NRDE2: variants seen among roughly 807,000 people sequenced by gnomAD.
NRDE2 encodes the protein NRDE-2, necessary for RNA interference, domain containing, also known as nuclear exosome regulator NRDE2.
NRDE2 carries 76 observed loss-of-function variants against 124.2 expected under a neutral mutation model. The ratio of observed to expected loss-of-function variants is 0.61; its 90% CI spans 0.51 to 0.74. NRDE2 has a LOEUF of 0.74. Ranked by LOEUF, NRDE2 falls within the 30% of genes least tolerant of loss-of-function variation. NRDE2 has a pLI of 0.00. For synonymous variants in NRDE2, 489 were observed against 528.1 expected, an observed-to-expected ratio of 0.93 and a Z score of 1.01; for missense variants, 1,314 against 1,417.3, an observed-to-expected ratio of 0.93 and a Z score of 1.17.
intron 12 of NRDE2, among the ~76,000 whole-genome samples, chr14:90,284,691 G>GA (rs2139669348): frequency 6.6e-6 from 1 of 152,162 alleles, no homozygotes; most frequent in South Asian, 2.1e-4. Flanking sequence ...TTTGATTTCC[G>GA]AAACGTACAA....
intron 5 of NRDE2, 149 bp downstream of exon 5, chr14:90,303,786 G>A (rs1372944438): frequency 7.3e-6 from 5 of 688,016 alleles, no homozygotes; most frequent in Non-Finnish European, 1.2e-5. Context: ...GACTTTGAGC[G>A]AGCTCAGGGC....
At chr14:90,308,607 C>T (rs8005973) in intron 4 of NRDE2, among the ~76,000 whole-genome samples, 37,773 of 151,992 alleles carry the variant, frequency 0.25, 5,230 homozygotes, top group Middle Eastern at 0.4. Context: ...CATGACAGTG[C>T]TGGTCAAATC....
Position 90,277,563 on chromosome 14 carries a change from C to CTATGTAA in NRDE2, c.*772_*773insTTACATA, listed in dbSNP as rs373021015. 2 of 152,334 alleles carry CTATGTAA rather than the reference C, an allele frequency of 1.3e-5. No homozygotes were observed. The highest frequency in any genetic ancestry group is 4.8e-5 in the African/African-American group (2 of 41,462). 9.4% of individuals were successfully genotyped at this position (152,334 alleles called of 1,614,324 possible). On this transcript the variant is annotated 3_prime_UTR_variant, in exon 14 of 14. Coordinates refer to ENST00000354366, the MANE Select transcript of NRDE2 (RefSeq NM_017970.4). Reference sequence around the variant, plus strand: ...GCCTTGGCCTTCATAGTGTAAGCAGCGTTGCTGCACAAGCGTGCCGGGCCC... The same window carrying CTATGTAA: ...GCCTTGGCCTTCATAGTGTAAGCAGCTATGTAAGTTGCTGCACAAGCGTGCCGGGCCC...
intron 4 of NRDE2, among the ~76,000 whole-genome samples, chr14:90,311,879 T>C (rs995139773): frequency 7.9e-5 from 12 of 152,222 alleles, no homozygotes; most frequent in African/African-American, 2.9e-4. Context: ...TATTTTTGAT[T>C]GCCAAATTAG....
chr14:90,290,330 C>A lies in NRDE2; in HGVS notation c.2120G>T (p.Arg707Leu), dbSNP rs565546203. The A allele has an allele frequency of 6.2e-7, 1 of 1,614,004 alleles. No individual in the cohort carries two copies. Among genetic ancestry groups the A allele is most frequent in the East Asian group, 2.2e-5 (1 of 44,900 alleles). Residue 707 changes from arginine to leucine, a missense_variant, in exon 10 of 14, where the codon CGA becomes CTA. Arg to Leu is a moderately radical substitution (Grantham distance 102). Transcript: ENST00000354366. ...GYPRWTRGQN[R>L]EGEEFIRNVF... ...ATTGCGGATGAACTCCTCGCCCTCT[C>A]GGTTCTGACCCCTGGTCCAGCGAGG...
chr14:90,299,815 T>C (rs1237234602), intron 7 of NRDE2, among the ~76,000 whole-genome samples: 1 of 152,226 alleles, frequency 6.6e-6, no homozygotes, highest in African/African-American at 2.4e-5. Flanking sequence ...AAAAAAAATT[T>C]TTTTTAAATA....
intron 3 of NRDE2, among the ~76,000 whole-genome samples, chr14:90,315,244 G>A (rs1405000728): frequency 6.8e-6 from 1 of 146,152 alleles, no homozygotes; most frequent in Admixed American, 7.0e-5. Flanking sequence ...GGTGATGCAT[G>A]CCTGTAGTCC....
intron 12 of NRDE2, chr14:90,280,095 C>G (rs139475648): frequency 6.6e-6 from 1 of 152,362 alleles, no homozygotes; most frequent in Non-Finnish European, 1.5e-5. Flanking sequence ...GCCTCACTCC[C>G]TTTTCTATTT....
chr14:90,282,371 G>A (rs1471541413), intron 12 of NRDE2, among the ~76,000 whole-genome samples: 1 of 151,896 alleles, frequency 6.6e-6, no homozygotes, highest in Non-Finnish European at 1.5e-5. Flanking sequence ...AGCTACTCAG[G>A]AGGCTGACGT....
intron 8 of NRDE2, among the ~76,000 whole-genome samples, chr14:90,296,297 T>C (rs560748696): frequency 6.6e-6 from 1 of 152,350 alleles, no homozygotes; most frequent in South Asian, 2.1e-4. Flanking sequence ...ACTCAGTGGC[T>C]GAGTGCAATA....
At chr14:90,286,242 G>T in intron 12 of NRDE2, 112 bp downstream of exon 12, 1 of 1,194,744 alleles carries the variant, frequency 8.4e-7, no homozygotes, top group Non-Finnish European at 1.2e-6. Context: ...GTGAAATATG[G>T]CCTCCCAGCT....
At position 90,279,141 on chromosome 14, in the gene NRDE2, G is replaced by A. The variant is rs764606304; in HGVS notation, c.3298-8C>T. On this transcript the variant is annotated splice_region_variant and splice_polypyrimidine_tract_variant and intron_variant, in intron 12 of 13. Coordinates refer to ENST00000354366, the MANE Select transcript of NRDE2 (RefSeq NM_017970.4). ...TTTATTTCCTAAGGAAACCTGAGGT[G>A]AGGGGGAGAAAATACAAACATGATT... 1.2e-6 allele frequency: 2 copies of A among 1,602,256 alleles called. No individual in the cohort carries two copies. Among genetic ancestry groups the A allele is most frequent in the East Asian group, 2.2e-5 (1 of 44,844 alleles).
chr14:90,267,943 T>G lies in NRDE2; in HGVS notation c.*10393A>C. 9.6e-6 allele frequency: 3 copies of G among 312,188 alleles called. No homozygotes were observed. In the South Asian group the frequency reaches 2.0e-4, roughly 21 times the overall value. The allele number at this position is 312,188 out of a possible 1,614,324, so 19.3% of individuals were successfully genotyped here. A position where few individuals can be genotyped will look rare whatever the true frequency, so the allele number is the denominator to read the frequency against. ...TAGTTCGCAGCTTTTCAGGGGAAACTGGGTCAAGGTTGGAAAATAACCAAG... is the reference window on the plus strand; with the variant it reads ...TAGTTCGCAGCTTTTCAGGGGAAACGGGGTCAAGGTTGGAAAATAACCAAG... On this transcript the variant is annotated 3_prime_UTR_variant, in exon 14 of 14. Transcript: ENST00000354366.
In NRDE2 at chr14:90,329,553, T is replaced by G. The variant is rs1595081987; in HGVS notation, c.64+2288A>C. On this transcript the variant is annotated intron_variant, in intron 1 of 13. Transcript: ENST00000354366. Reference sequence around the variant, plus strand: ...TGTCCCTACTTAAGAAAAAAAAAAGTAGGCTGGGTACGTTGGCTCACACCT... The same window carrying G: ...TGTCCCTACTTAAGAAAAAAAAAAGGAGGCTGGGTACGTTGGCTCACACCT... Among the ~76,000 whole-genome samples the G allele has an allele frequency of 2.0e-5, 3 of 151,278 alleles. No homozygotes were observed. The South Asian group carries it at 6.3e-4, about 32-fold the overall frequency.
At chr14:90,306,064 TAATG>T (rs1323684495) in intron 4 of NRDE2, among the ~76,000 whole-genome samples, 2 of 152,196 alleles carry the variant, frequency 1.3e-5, no homozygotes, top group Non-Finnish European at 2.9e-5. Context: ...AATACAAACT[TAATG>T]GATACAAAGT....
rs536150941 is a variant in NRDE2 at position 90,295,507 on chromosome 14, T to C, written c.1667-2635A>G. Reference sequence around the variant, plus strand: ...CTTTAATCACCCTGAAAAACTCTTATAAGAGAAATTACCTTTGTGAGTCAT... The same window carrying C: ...CTTTAATCACCCTGAAAAACTCTTACAAGAGAAATTACCTTTGTGAGTCAT... On this transcript the variant is annotated intron_variant, in intron 8 of 13. Coordinates refer to ENST00000354366, the MANE Select transcript of NRDE2 (RefSeq NM_017970.4). Among the ~76,000 whole-genome samples, 5 of 152,288 alleles carry C rather than the reference T, an allele frequency of 3.3e-5. No homozygotes were observed. The East Asian group carries it at 5.8e-4, about 18-fold the overall frequency.
chr14:90,278,069 A>G lies in NRDE2; in HGVS notation c.*267T>C, dbSNP rs937470601. The stretch of plus-strand genomic sequence containing the variant: ...AGGACGCTGCCACGCCTCAATCATC[A>G]TCGGTTTAATGACCACGTGGCATGA... On this transcript the variant is annotated 3_prime_UTR_variant, in exon 14 of 14. Coordinates refer to ENST00000354366, the MANE Select transcript of NRDE2 (RefSeq NM_017970.4). 3.1e-6 allele frequency: 1 copy of G among 327,526 alleles called. No homozygotes were observed. Among genetic ancestry groups the G allele is most frequent in the African/African-American group, 2.1e-5 (1 of 47,794 alleles). 20.3% of individuals were successfully genotyped at this position (327,526 alleles called of 1,614,324 possible).
rs1595075758 is a variant in NRDE2, at chr14:90,317,906, A to G, written c.173+99T>C. Reference sequence around the variant, plus strand: ...TTATTACTTTAAGTAAGAGTTTTACATACCTCTTTTATTAGAGTTTTCTAA... The same window carrying G: ...TTATTACTTTAAGTAAGAGTTTTACGTACCTCTTTTATTAGAGTTTTCTAA... On this transcript the variant is annotated intron_variant, in intron 2 of 13. Coordinates refer to ENST00000354366, the MANE Select transcript of NRDE2 (RefSeq NM_017970.4). 12 of 768,830 alleles carry G rather than the reference A, an allele frequency of 1.6e-5. No homozygotes were observed. The East Asian group carries it at 2.5e-4, about 16-fold the overall frequency. 47.6% of individuals were successfully genotyped at this position (768,830 alleles called of 1,614,324 possible). A position where few individuals can be genotyped will look rare whatever the true frequency, so the allele number is the denominator to read the frequency against.
Position 90,270,973 on chromosome 14 carries a change from G to C in NRDE2, c.*7363C>G, listed in dbSNP as rs564489633. ...GGCCAGCACCTGCCCTGAGCCCACGGATCATTGGCAGTTAGTCCTAGAGAA... is the reference window on the plus strand; with the variant it reads ...GGCCAGCACCTGCCCTGAGCCCACGCATCATTGGCAGTTAGTCCTAGAGAA... On this transcript the variant is annotated 3_prime_UTR_variant, in exon 14 of 14. Transcript: ENST00000354366. 6.6e-6 allele frequency: 1 copy of C among 152,308 alleles called. No homozygotes were observed. Among genetic ancestry groups the C allele is most frequent in the Admixed American group, 6.5e-5 (1 of 15,296 alleles). The allele number at this position is 152,308 out of a possible 1,614,324, so 9.4% of individuals were successfully genotyped here. A position where few individuals can be genotyped will look rare whatever the true frequency, so the allele number is the denominator to read the frequency against.
Sources: allele counts gnomAD v4.1 joint callset (sites outside exome capture counted in the v4.1 genomes callset), GRCh38; gene constraint gnomAD v4.1.1; transcripts MANE v1.5; gene names NCBI Gene and HGNC (gene_info 2026-07-23, HGNC 2026-07-21).